The following SYNE1 variants were observed in gnomAD, a reference collection of about 807,000 sequenced individuals.
SYNE1 encodes the protein spectrin repeat containing nuclear envelope protein 1.
In SYNE1, 616 loss-of-function variants were observed where a neutral mutation model predicts 1,111.0. The ratio of observed to expected loss-of-function variants is 0.55; its 90% CI spans 0.52 to 0.59. The LOEUF (loss-of-function observed/expected upper bound fraction) is 0.59, where lower values mean the gene tolerates loss of function less well. Ranked by LOEUF, SYNE1 falls within the 20% of genes least tolerant of loss-of-function variation. The pLI is 0.00. For synonymous variants in SYNE1, 3,855 were observed against 3,825.8 expected, an observed-to-expected ratio of 1.01 and a Z score of -0.28; for missense variants, 10,006 against 10,417.0, an observed-to-expected ratio of 0.96 and a Z score of 1.72.
At chr6:152,540,165 G>C (rs2099262550) in intron 3 of SYNE1, 144 bp from the exon 4 acceptor site, 4 of 786,262 alleles carry the variant, frequency 5.1e-6, no homozygotes, top group Non-Finnish European at 8.5e-6. Flanking sequence ...GAAGGGAAAA[G>C]TCAACAAGAG....
intron 9 of SYNE1, among the ~76,000 whole-genome samples, chr6:152,503,842 G>T (rs2099043122): frequency 6.6e-6 from 1 of 152,066 alleles, no homozygotes. Flanking sequence ...TTTAATACAT[G>T]ATTTAACATA....
chr6:152,596,695 G>A (rs988314443), intron 3 of SYNE1, among the ~76,000 whole-genome samples: 1 of 152,132 alleles, frequency 6.6e-6, no homozygotes, highest in South Asian at 2.1e-4. Flanking sequence ...AAAAGGTATG[G>A]GAAGCATGAT....
chr6:152,377,011 G>T, intron 56 of SYNE1, 99 bp from the exon 57 acceptor site: 1 of 1,454,814 alleles, frequency 6.9e-7, no homozygotes, highest in Non-Finnish European at 9.5e-7. Flanking sequence ...AATTATTAGT[G>T]AGAGAAGAAC....
intron 46 of SYNE1, among the ~76,000 whole-genome samples, chr6:152,402,238 CT>C (rs896670914): frequency 1.3e-5 from 2 of 152,108 alleles, no homozygotes; most frequent in Non-Finnish European, 2.9e-5. Context: ...GTTTTTCTGA[CT>C]TTTTTCATGC....
Position 152,365,011 on chromosome 6 carries a change from T to C in SYNE1, c.9981A>G (p.Leu3327=). The C allele has an allele frequency of 1.2e-6, 2 of 1,614,228 alleles. No individual in the cohort carries two copies. Among genetic ancestry groups the C allele is most frequent in the Non-Finnish European group, 1.7e-6 (2 of 1,180,034 alleles). ...DSRTLKLEAL[L]SVKQEKEIQM... The stretch of plus-strand genomic sequence containing the variant: ...GAATCTCTTTTTCCTGTTTGACTGA[T>C]AATAGAGCCTGTGAAAACACATACA... Residue 3327 remains leucine (L), a synonymous_variant, in exon 63 of 146, where the codon TTA becomes TTG. Coordinates refer to ENST00000367255, the MANE Select transcript of SYNE1 (RefSeq NM_182961.4).
intron 97 of SYNE1, among the ~76,000 whole-genome samples, chr6:152,280,707 G>A (rs963215758): frequency 1.3e-5 from 2 of 152,178 alleles, no homozygotes; most frequent in African/African-American, 4.8e-5. Flanking sequence ...AGTTTGGGTG[G>A]TAACTTCAAG....
chr6:152,309,891 G>A lies in SYNE1; in HGVS notation c.17146C>T (p.Gln5716Ter). The change falls in exon 90 of 146, where the codon CAG (glutamine) becomes TAG (stop). Residue 5716 changes from glutamine to a stop codon, truncating the protein, a stop_gained. Transcript: ENST00000367255. LOFTEE classifies it high-confidence loss of function. Reference sequence around the variant, plus strand: ...TGCTGCAGCCGGCTGGCCTCTTCCTGCAGCCGCAGAGCAGCATGACAGAGA... The same window carrying A: ...TGCTGCAGCCGGCTGGCCTCTTCCTACAGCCGCAGAGCAGCATGACAGAGA... ...LPLCHAALRL[Q>*]EEASRLQHTA... 1.2e-6 allele frequency: 2 copies of A among 1,614,102 alleles called. No homozygotes were observed. Among genetic ancestry groups the A allele is most frequent in the Non-Finnish European group, 1.7e-6 (2 of 1,180,052 alleles).
chr6:152,217,829 C>A (rs2079109444), intron 121 of SYNE1, among the ~76,000 whole-genome samples: 1 of 152,116 alleles, frequency 6.6e-6, no homozygotes, highest in African/African-American at 2.4e-5. Flanking sequence ...CCTGTGCCCA[C>A]TGCCAGCACA....
chr6:152,151,829 A>G, intron 134 of SYNE1, 130 bp downstream of exon 134: 1 of 1,480,576 alleles, frequency 6.8e-7, no homozygotes, highest in Admixed American at 2.0e-5. Context: ...CCTTTGCTAT[A>G]TCACTCCCCG....
At chr6:152,180,469 T>C (rs183347592) in intron 128 of SYNE1, among the ~76,000 whole-genome samples, 175 bp from the exon 129 acceptor site, 1 of 152,356 alleles carries the variant, frequency 6.6e-6, no homozygotes, top group East Asian at 1.9e-4. Flanking sequence ...TTGAATCCTC[T>C]AGTTCTTTCC....
rs2069720488 is a variant in SYNE1 at position 152,185,901 on chromosome 6, T to C, written c.23301+3351A>G. Among the ~76,000 whole-genome samples the C allele has an allele frequency of 2.6e-5, 4 of 152,342 alleles. No homozygotes were observed. In the South Asian group the frequency reaches 8.3e-4, roughly 32 times the overall value. ...AACACTTTTCCTAAATCAAAAAGTA[T>C]TGCATAACCATAATCTTCTTAATCT... is the stretch of plus-strand genomic sequence containing the variant. On this transcript the variant is annotated intron_variant, in intron 128 of 145. Coordinates refer to ENST00000367255, the MANE Select transcript of SYNE1 (RefSeq NM_182961.4).
chr6:152,439,820 G>A (rs940306403), intron 32 of SYNE1, among the ~76,000 whole-genome samples: 1 of 152,104 alleles, frequency 6.6e-6, no homozygotes, highest in Non-Finnish European at 1.5e-5. Context: ...CCCCAAAGAG[G>A]CACCACAGGA....
At chr6:152,536,111 G>C (rs1397753736) in intron 4 of SYNE1, among the ~76,000 whole-genome samples, 2 of 151,286 alleles carry the variant, frequency 1.3e-5, no homozygotes, top group Non-Finnish European at 2.9e-5. Context: ...TCTCTGCTCT[G>C]GAACAAACCT....
At chr6:152,446,696 A>G (rs2098595766) in intron 29 of SYNE1, among the ~76,000 whole-genome samples, 2 of 152,170 alleles carry the variant, frequency 1.3e-5, no homozygotes, top group African/African-American at 4.8e-5. Context: ...ACGTTCTTAC[A>G]TTATCTTCCA....
chr6:152,139,010 C>T (rs1291777211), intron 140 of SYNE1, among the ~76,000 whole-genome samples: 2 of 152,190 alleles, frequency 1.3e-5, no homozygotes, highest in South Asian at 2.1e-4. Flanking sequence ...GTTTCACTTA[C>T]TTGAGGTCAA....
In SYNE1 at chr6:152,325,071, C is replaced by G. The variant is rs1231376495; in HGVS notation, c.15657+13G>C. 1.2e-6 allele frequency: 2 copies of G among 1,613,232 alleles called. No individual in the cohort carries two copies. The highest frequency in any genetic ancestry group is 1.7e-6 in the Non-Finnish European group (2 of 1,179,726). On this transcript the variant is annotated intron_variant, in intron 81 of 145. Transcript: ENST00000367255. Reference sequence around the variant, plus strand: ...GAGGAAAGAAAGGTGAGCCCATGGACAGTGGAAACTACCTTGTTGTTAAAG... The same window carrying G: ...GAGGAAAGAAAGGTGAGCCCATGGAGAGTGGAAACTACCTTGTTGTTAAAG...
chr6:152,301,900 G>C lies in SYNE1; in HGVS notation c.17510C>G (p.Pro5837Arg). 6.2e-7 allele frequency: 1 copy of C among 1,613,860 alleles called. No individual in the cohort carries two copies. Among genetic ancestry groups the C allele is most frequent in the Non-Finnish European group, 8.5e-7 (1 of 1,179,820 alleles). The change falls in exon 92 of 146, where the codon CCC (proline) becomes CGC (arginine). Residue 5837 changes from proline to arginine, a missense_variant. This residue lies in a region of SYNE1 where 4,955 missense variants were observed against 5,017.2 expected (regional missense o/e 0.99). Transcript: ENST00000367255. The stretch of plus-strand genomic sequence containing the variant: ...CACAGAGGGGTGGGCCGAAGGCGTG[G>C]GGAGGAGCTCCCCATCCAGGTCCTC... The part of the protein sequence containing the change: ...GTEDLDGELL[P>R]TPSAHPSVVM...
chr6:152,242,171 T>C, intron 107 of SYNE1, 69 bp downstream of exon 107: 1 of 1,363,074 alleles, frequency 7.3e-7, no homozygotes, highest in Non-Finnish European at 1.0e-6. Context: ...TTTTACTAAA[T>C]ATATATCAGG....
At chr6:152,629,447 C>G (rs1374882305) in intron 2 of SYNE1, among the ~76,000 whole-genome samples, 3 of 147,688 alleles carry the variant, frequency 2.0e-5, no homozygotes, top group Non-Finnish European at 4.4e-5. Context: ...CTCAAGTGAT[C>G]TGCCCACCTC....
Sources: gnomAD v4.1 joint callset for allele counts (sites outside exome capture counted in the v4.1 genomes callset) on GRCh38, gnomAD v4.1.1 for gene constraint, gnomAD v4.1.1 regional missense constraint, MANE v1.5 for transcripts, NCBI Gene and HGNC (gene_info 2026-07-23, HGNC 2026-07-21) for gene names.